SDK1: variants seen among roughly 807,000 people sequenced by gnomAD.
SDK1 encodes the protein protein sidekick-1.
Under a neutral mutation model 245.5 loss-of-function variants are expected in SDK1, and 157 were observed. The observed-to-expected ratio is 0.64, with a 90% CI of 0.56 to 0.73. The LOEUF (loss-of-function observed/expected upper bound fraction) is 0.73. Among genes scored for constraint, SDK1 ranks in the 30% least tolerant of loss-of-function variants. The probability of loss-of-function intolerance (pLI) is 0.00; values close to 1 mark genes in which losing one functional copy is unlikely to be tolerated. For synonymous variants in SDK1, 1,647 were observed against 1,278.5 expected, an observed-to-expected ratio of 1.29 and a Z score of -6.15; for missense variants, 3,583 against 3,002.3, an observed-to-expected ratio of 1.19 and a Z score of -4.52.
intron 1 of SDK1, among the ~76,000 whole-genome samples, chr7:3,347,780 G>A (rs1464508450): frequency 1.3e-5 from 2 of 152,134 alleles, no homozygotes; most frequent in African/African-American, 4.8e-5. Context: ...TGCTACCCCT[G>A]TGGCCTGAAA....
rs10277730 is a variant in SDK1, at chr7:3,789,512, T to A, written c.714-31938T>A. ...CCTAAGCAACCCTTCTTAAAATTAG[T>A]TATTTTAATGGGACTTTTTGTGTTA... On this transcript the variant is annotated intron_variant, in intron 4 of 44. Transcript: ENST00000404826. Among the ~76,000 whole-genome samples, 851 of 152,334 alleles carry A rather than the reference T, an allele frequency of 5.6e-3. 9 individuals carry two copies. The highest frequency in any genetic ancestry group is 0.02 in the African/African-American group (819 of 41,586).
rs113609136 is a variant in SDK1, at chr7:3,527,402, G to A, written c.299-91678G>A. On this transcript the variant is annotated intron_variant, in intron 1 of 44. Coordinates refer to ENST00000404826, the MANE Select transcript of SDK1 (RefSeq NM_152744.4). Reference sequence around the variant, plus strand: ...TGCTGTGGTCATGGAAGGCCTTTTGGGGGAAGTGACTTTCAAGCAGAGACC... The same window carrying A: ...TGCTGTGGTCATGGAAGGCCTTTTGAGGGAAGTGACTTTCAAGCAGAGACC... 1.8e-4 allele frequency among the ~76,000 whole-genome samples: 27 copies of A among 152,244 alleles called. 1 individual carries two copies. Among genetic ancestry groups the A allele is most frequent in the African/African-American group, 5.1e-4 (21 of 41,528 alleles).
At chr7:3,421,058 AT>A (rs112274032) in intron 1 of SDK1, among the ~76,000 whole-genome samples, 3,906 of 130,476 alleles carry the variant, frequency 0.03, 140 homozygotes, top group African/African-American at 0.088. Context: ...GCTTTTATCA[AT>A]TTTTTTTTTT....
intron 21 of SDK1, 151 bp from the exon 22 acceptor site, chr7:4,079,312 C>G: frequency 2.0e-6 from 2 of 995,026 alleles, no homozygotes; most frequent in Non-Finnish European, 3.1e-6. Context: ...GGAAGCTGTG[C>G]TGCTTCTCAC....
chr7:3,437,684 G>A (rs1780069235), intron 1 of SDK1, among the ~76,000 whole-genome samples: 2 of 152,260 alleles, frequency 1.3e-5, no homozygotes, highest in South Asian at 4.2e-4. Context: ...AGGAGTTTCA[G>A]GTTTCAGTGA....
chr7:3,579,878 G>A (rs779891327), intron 1 of SDK1, among the ~76,000 whole-genome samples: 19 of 152,188 alleles, frequency 1.2e-4, no homozygotes, highest in Non-Finnish European at 2.6e-4. Context: ...CACACCCAGA[G>A]GTGCCTTGGG....
chr7:3,689,548 A>G (rs891281735), intron 4 of SDK1, among the ~76,000 whole-genome samples: 1 of 152,194 alleles, frequency 6.6e-6, no homozygotes, highest in Non-Finnish European at 1.5e-5. Context: ...CTTGTTTTTT[A>G]AAAAGGACTT....
At chr7:3,450,341 G>C (rs562516161) in intron 1 of SDK1, among the ~76,000 whole-genome samples, 1 of 152,280 alleles carries the variant, frequency 6.6e-6, no homozygotes, top group East Asian at 1.9e-4. Context: ...GACTTCTCTG[G>C]ACAAATGTGT....
chr7:4,051,576 G>A, intron 18 of SDK1, 62 bp from the exon 19 acceptor site: 1 of 1,402,032 alleles, frequency 7.1e-7, no homozygotes, highest in South Asian at 1.3e-5. Context: ...TTCTGCTGCA[G>A]ACATGAGTGT....
intron 5 of SDK1, among the ~76,000 whole-genome samples, chr7:3,911,090 C>T (rs906288373): frequency 1.6e-4 from 25 of 152,266 alleles, no homozygotes; most frequent in Middle Eastern, 3.4e-3. Context: ...TAGGGTGGCC[C>T]GGCTGGAGGC....
intron 1 of SDK1, among the ~76,000 whole-genome samples, chr7:3,574,905 T>C (rs777681801): frequency 9.9e-5 from 15 of 152,060 alleles, no homozygotes; most frequent in Non-Finnish European, 2.2e-4. Flanking sequence ...CTCTGAGTTG[T>C]AGAAAGTGAG....
intron 4 of SDK1, among the ~76,000 whole-genome samples, chr7:3,652,647 C>G (rs796763243): frequency 4.6e-5 from 7 of 152,098 alleles, no homozygotes; most frequent in South Asian, 4.2e-4. Context: ...CAGTCAGAAG[C>G]GAACTAGGGA....
chr7:4,107,606 A>G (rs1364275281), intron 22 of SDK1, among the ~76,000 whole-genome samples: 1 of 152,120 alleles, frequency 6.6e-6, no homozygotes, highest in African/African-American at 2.4e-5. Context: ...AGGACTCTGA[A>G]ACCGCTAAAC....
intron 5 of SDK1, among the ~76,000 whole-genome samples, chr7:3,832,857 G>T (rs1779944259): frequency 6.6e-6 from 1 of 151,958 alleles, no homozygotes; most frequent in African/African-American, 2.4e-5. Flanking sequence ...TTCCAATCTA[G>T]TATACCTCTA....
At chr7:3,591,024 G>A (rs567407586) in intron 1 of SDK1, among the ~76,000 whole-genome samples, 9 of 151,948 alleles carry the variant, frequency 5.9e-5, no homozygotes, top group Non-Finnish European at 8.8e-5. Context: ...AACTCCCCAG[G>A]AGATCCTAAT....
At chr7:3,429,617 G>C (rs757223491) in intron 1 of SDK1, among the ~76,000 whole-genome samples, 4,057 of 79,306 alleles carry the variant, frequency 0.051, 194 homozygotes, top group African/African-American at 0.17. Context: ...TTTTTTTTTT[G>C]TCAGGGTCTT....
chr7:3,920,203 C>T (rs753641141), intron 5 of SDK1, among the ~76,000 whole-genome samples: 10 of 152,156 alleles, frequency 6.6e-5, no homozygotes, highest in African/African-American at 9.7e-5. Context: ...CATCCTGAGT[C>T]TTCTGGGCTT....
intron 40 of SDK1, among the ~76,000 whole-genome samples, chr7:4,225,301 A>G (rs1040159517): frequency 6.6e-6 from 1 of 152,138 alleles, no homozygotes; most frequent in African/African-American, 2.4e-5. Flanking sequence ...AACTACCTCA[A>G]AATGATATGT....
At chr7:3,580,968 C>CAA (rs60617574) in intron 1 of SDK1, among the ~76,000 whole-genome samples, 381 of 24,776 alleles carry the variant, frequency 0.015, 10 homozygotes, top group African/African-American at 0.017. Flanking sequence ...GACTCCATCT[C>CAA]AAAAAAAAAA....
Sources: gnomAD v4.1 joint callset for allele counts (sites outside exome capture counted in the v4.1 genomes callset) on GRCh38, gnomAD v4.1.1 for gene constraint, MANE v1.5 for transcripts, NCBI Gene and HGNC (gene_info 2026-07-23, HGNC 2026-07-21) for gene names.